ZNF704: variants seen among roughly 807,000 people sequenced by gnomAD.
ZNF704 encodes glucocorticoid induced gene 1.
A neutral mutation model predicts 44.7 loss-of-function variants in ZNF704; 10 were observed. The ratio of observed to expected loss-of-function variants is 0.22; its 90% CI spans 0.14 to 0.38. ZNF704 has a LOEUF of 0.38. Among genes scored for constraint, ZNF704 ranks in the 10% least tolerant of loss-of-function variants. The probability of loss-of-function intolerance (pLI) is 1.00; values close to 1 mark genes in which losing one functional copy is unlikely to be tolerated. For synonymous variants in ZNF704, 211 were observed against 207.6 expected (o/e 1.02, Z -0.14); for missense variants, 390 against 545.5 (o/e 0.71, Z 2.84).
At chr8:80,644,517 A>G (rs1817796529) in intron 7 of ZNF704, among the ~76,000 whole-genome samples, 1 of 152,200 alleles carries the variant, frequency 6.6e-6, no homozygotes. Flanking sequence ...GATTTCTTGA[A>G]TAAAATGGAA....
At chr8:80,795,266 C>T (rs1807779052) in intron 2 of ZNF704, among the ~76,000 whole-genome samples, 3 of 152,134 alleles carry the variant, frequency 2.0e-5, no homozygotes, top group Admixed American at 2.0e-4. Context: ...TATTGTTCAC[C>T]CTGTTTTAAT....
intron 2 of ZNF704, among the ~76,000 whole-genome samples, chr8:80,731,633 C>T (rs1027040607): frequency 6.6e-6 from 1 of 152,074 alleles, no homozygotes; most frequent in Admixed American, 6.5e-5. Context: ...GGTGTGGTGA[C>T]ATGTGCCTAT....
intron 1 of ZNF704, among the ~76,000 whole-genome samples, chr8:80,839,221 A>T (rs1405565315): frequency 1.3e-5 from 2 of 152,230 alleles, no homozygotes; most frequent in African/African-American, 4.8e-5. Context: ...ACAACTTTTC[A>T]AATTCATCAG....
intron 1 of ZNF704, among the ~76,000 whole-genome samples, chr8:80,852,380 A>G (rs1403674161): frequency 6.6e-6 from 1 of 152,326 alleles, no homozygotes. Context: ...TTTTAATAAA[A>G]GAAGTTTCTA....
intron 2 of ZNF704, among the ~76,000 whole-genome samples, chr8:80,783,706 AAC>A (rs766097624): frequency 6.6e-6 from 1 of 152,040 alleles, no homozygotes; most frequent in Non-Finnish European, 1.5e-5. Flanking sequence ...GACATCGATC[AAC>A]ACAGTTACAA....
At chr8:80,724,224 T>C (rs1352387413) in intron 2 of ZNF704, among the ~76,000 whole-genome samples, 5 of 152,204 alleles carry the variant, frequency 3.3e-5, no homozygotes, top group African/African-American at 1.2e-4. Flanking sequence ...ATGAAATATG[T>C]AGGAGGTAGT....
chr8:80,804,068 A>G (rs1158210427), intron 2 of ZNF704, among the ~76,000 whole-genome samples: 2 of 152,220 alleles, frequency 1.3e-5, no homozygotes, highest in African/African-American at 2.4e-5. Flanking sequence ...GCCAACAAAC[A>G]TATGAAAAAA....
chr8:80,730,471 G>A (rs948667141), intron 2 of ZNF704, among the ~76,000 whole-genome samples: 18 of 150,154 alleles, frequency 1.2e-4, no homozygotes, highest in African/African-American at 3.4e-4. Context: ...CCCAGGAGGC[G>A]GAGGTTGCAG....
At chr8:80,641,897 C>T (rs1056420827) in intron 8 of ZNF704, among the ~76,000 whole-genome samples, 1 of 152,188 alleles carries the variant, frequency 6.6e-6, no homozygotes, top group Non-Finnish European at 1.5e-5. Flanking sequence ...ACAGCCACTA[C>T]ACTCAACTGT....
intron 3 of ZNF704, among the ~76,000 whole-genome samples, chr8:80,689,730 G>A (rs7009532): frequency 0.043 from 6,556 of 152,230 alleles, 494 homozygotes; most frequent in African/African-American, 0.15. Flanking sequence ...TGGTTACATG[G>A]CTTCATGTCA....
intron 2 of ZNF704, among the ~76,000 whole-genome samples, chr8:80,782,862 G>A (rs947915511): frequency 6.6e-6 from 1 of 151,972 alleles, no homozygotes; most frequent in Non-Finnish European, 1.5e-5. Flanking sequence ...TTTGCATCCC[G>A]TGAATACTGT....
At chr8:80,841,398 C>CT (rs926230679) in intron 1 of ZNF704, among the ~76,000 whole-genome samples, 11 of 151,516 alleles carry the variant, frequency 7.3e-5, no homozygotes, top group Non-Finnish European at 1.5e-4. Flanking sequence ...TTCTGCATTT[C>CT]TTTTTTTTTC....
intron 2 of ZNF704, among the ~76,000 whole-genome samples, chr8:80,755,433 T>A (rs1459441773): frequency 6.6e-6 from 1 of 151,948 alleles, no homozygotes; most frequent in Non-Finnish European, 1.5e-5. Flanking sequence ...CCAGCCTGGG[T>A]GACTGAGTGA....
chr8:80,711,060 G>T (rs1011023957), intron 2 of ZNF704, among the ~76,000 whole-genome samples: 2 of 152,146 alleles, frequency 1.3e-5, no homozygotes, highest in African/African-American at 4.8e-5. Context: ...GGCCCACCTG[G>T]GTGAGCTTGG....
chr8:80,711,908 C>T (rs1043091548), intron 2 of ZNF704, among the ~76,000 whole-genome samples: 3 of 152,198 alleles, frequency 2.0e-5, no homozygotes, highest in African/African-American at 4.8e-5. Context: ...GGACAGACCA[C>T]AAACAACACC....
At chr8:80,659,835 A>C in intron 6 of ZNF704, 146 bp from the exon 7 acceptor site, 1 of 666,456 alleles carries the variant, frequency 1.5e-6, no homozygotes, top group South Asian at 2.2e-5. Flanking sequence ...AGATTAAACA[A>C]GGTTAAAGGG....
At position 80,633,387 on chromosome 8, in the gene ZNF704, A is replaced by T. The variant is rs555012066; in HGVS notation, c.*7979T>A. The T allele has an allele frequency of 6.6e-6, 1 of 152,298 alleles. No homozygotes were observed. The highest frequency in any genetic ancestry group is 2.1e-4 in the South Asian group (1 of 4,822). The allele number at this position is 152,298 out of a possible 1,614,324, so 9.4% of individuals were successfully genotyped here. A position where few individuals can be genotyped will look rare whatever the true frequency, so the allele number is the denominator to read the frequency against. On this transcript the variant is annotated 3_prime_UTR_variant, in exon 9 of 9. Coordinates refer to ENST00000327835, the MANE Select transcript of ZNF704 (RefSeq NM_001033723.3). ...CTACCAAATTGGCTGAAATTTAGGG[A>T]TTAGGGATCTGCTACAGTAAAGGGA...
intron 1 of ZNF704, among the ~76,000 whole-genome samples, chr8:80,868,117 T>C (rs1240094738): frequency 6.6e-6 from 1 of 152,244 alleles, no homozygotes; most frequent in Non-Finnish European, 1.5e-5. Flanking sequence ...CTTCTTATGT[T>C]TGACAGTGCC....
chr8:80,811,971 A>G (rs1563561881), intron 2 of ZNF704, among the ~76,000 whole-genome samples: 1 of 152,158 alleles, frequency 6.6e-6, no homozygotes, highest in African/African-American at 2.4e-5. Context: ...CACACTCCTT[A>G]TAATAATCAA....
Sources: allele counts gnomAD v4.1 joint callset (sites outside exome capture counted in the v4.1 genomes callset), GRCh38; gene constraint gnomAD v4.1.1; transcripts MANE v1.5; gene names NCBI Gene and HGNC (gene_info 2026-07-23, HGNC 2026-07-21).